GRIK1: variants seen among roughly 807,000 people sequenced by gnomAD.
GRIK1 encodes the protein glutamate receptor ionotropic, kainate 1.
In GRIK1, 69 loss-of-function variants were observed where a neutral mutation model predicts 105.7. The ratio of observed to expected loss-of-function variants is 0.65; its 90% CI spans 0.54 to 0.80. GRIK1 has a LOEUF of 0.80. Ranked by LOEUF, GRIK1 falls within the 30% of genes least tolerant of loss-of-function variation. The pLI is 0.00. For synonymous variants in GRIK1, 438 were observed against 431.3 expected, an observed-to-expected ratio of 1.02 and a Z score of -0.19; for missense variants, 1,109 against 1,167.3, an observed-to-expected ratio of 0.95 and a Z score of 0.73.
At chr21:29,584,467 A>G (rs913154831) in intron 12 of GRIK1, among the ~76,000 whole-genome samples, 1 of 152,218 alleles carries the variant, frequency 6.6e-6, no homozygotes, top group Non-Finnish European at 1.5e-5. Flanking sequence ...AAAAAGTGGA[A>G]ACATTGTCAA....
At chr21:29,795,144 T>A (rs1010685612) in intron 1 of GRIK1, among the ~76,000 whole-genome samples, 2 of 150,752 alleles carry the variant, frequency 1.3e-5, no homozygotes, top group Admixed American at 1.3e-4. Flanking sequence ...CAAGTGATTG[T>A]CCTGCCTCAG....
At chr21:29,862,423 A>G (rs1326746464) in intron 1 of GRIK1, among the ~76,000 whole-genome samples, 1 of 152,226 alleles carries the variant, frequency 6.6e-6, no homozygotes, top group East Asian at 1.9e-4. Context: ...ATTAAATTTA[A>G]AAACTTTCTA....
At chr21:29,541,191 C>A (rs970802707) in intron 16 of GRIK1, among the ~76,000 whole-genome samples, 1 of 152,198 alleles carries the variant, frequency 6.6e-6, no homozygotes. Context: ...TGGTCTTGAT[C>A]TCCTGACCTC....
intron 16 of GRIK1, among the ~76,000 whole-genome samples, chr21:29,545,581 C>A (rs1260393684): frequency 2.6e-5 from 4 of 152,150 alleles, no homozygotes; most frequent in African/African-American, 9.7e-5. Context: ...ATGGCACTAC[C>A]TTTAAGCTAA....
At chr21:29,851,990 C>A (rs1255990202) in intron 1 of GRIK1, among the ~76,000 whole-genome samples, 2 of 152,164 alleles carry the variant, frequency 1.3e-5, no homozygotes, top group Non-Finnish European at 2.9e-5. Flanking sequence ...CATCTTTGAT[C>A]CTTCTCCCTG....
intron 13 of GRIK1, among the ~76,000 whole-genome samples, chr21:29,579,903 T>C (rs1232567399): frequency 6.6e-6 from 1 of 151,602 alleles, no homozygotes; most frequent in Non-Finnish European, 1.5e-5. Flanking sequence ...CACAGTCATA[T>C]ACCTGCACAG....
intron 15 of GRIK1, among the ~76,000 whole-genome samples, chr21:29,560,570 TTCTTTCTC>T (rs1415601509): frequency 7.2e-5 from 9 of 124,834 alleles, no homozygotes; most frequent in African/African-American, 3.6e-4. Context: ...CTTTCTTTCT[TTCTTTCTC>T]TCTTTCTTTC....
At chr21:29,710,430 A>C (rs2064016450) in intron 1 of GRIK1, among the ~76,000 whole-genome samples, 1 of 152,154 alleles carries the variant, frequency 6.6e-6, no homozygotes, top group Non-Finnish European at 1.5e-5. Flanking sequence ...AAAAGTGTAG[A>C]AATTCCATTC....
intron 8 of GRIK1, 109 bp from the exon 9 acceptor site, chr21:29,596,679 C>T (rs764531847): frequency 2.5e-6 from 2 of 811,356 alleles, no homozygotes; most frequent in East Asian, 4.8e-5. Context: ...ACAGTTCCCA[C>T]CCATTGTTTG....
At chr21:29,833,967 A>G (rs1057072698) in intron 1 of GRIK1, among the ~76,000 whole-genome samples, 3 of 152,214 alleles carry the variant, frequency 2.0e-5, no homozygotes, top group African/African-American at 7.2e-5. Flanking sequence ...ATACAATTTT[A>G]TGTATAAAAT....
intron 15 of GRIK1, among the ~76,000 whole-genome samples, chr21:29,561,391 CAT>C (rs369009477): frequency 3.3e-5 from 5 of 152,246 alleles, no homozygotes; most frequent in East Asian, 1.9e-4. Flanking sequence ...TATTCTTAAA[CAT>C]GTGTTGGTAA....
At chr21:29,673,203 T>C (rs2063194272) in intron 3 of GRIK1, 39 bp from the exon 4 acceptor site, 1 of 1,388,234 alleles carries the variant, frequency 7.2e-7, no homozygotes, top group East Asian at 2.3e-5. Flanking sequence ...GAGACTGTTC[T>C]GTCGACAGAG....
chr21:29,779,361 T>TGC (rs932155592), intron 1 of GRIK1, among the ~76,000 whole-genome samples: 6 of 148,754 alleles, frequency 4.0e-5, no homozygotes, highest in Admixed American at 2.0e-4. Flanking sequence ...TGTGTGTGTG[T>TGC]GCACGTGTGT....
At chr21:29,651,938 C>T (rs1156578602) in intron 5 of GRIK1, among the ~76,000 whole-genome samples, 1 of 152,062 alleles carries the variant, frequency 6.6e-6, no homozygotes, top group Non-Finnish European at 1.5e-5. Context: ...CATTAACATG[C>T]TGCCCTAAAA....
intron 1 of GRIK1, among the ~76,000 whole-genome samples, chr21:29,794,950 T>A (rs1206393047): frequency 6.6e-6 from 1 of 151,306 alleles, no homozygotes; most frequent in Non-Finnish European, 1.5e-5. Flanking sequence ...AAATCAGAGA[T>A]GTCCTGGGCA....
chr21:29,715,292 A>G (rs749454510), intron 1 of GRIK1, among the ~76,000 whole-genome samples: 1 of 152,108 alleles, frequency 6.6e-6, no homozygotes, highest in Non-Finnish European at 1.5e-5. Context: ...TTCCCCTAGG[A>G]CTATCATAAT....
chr21:29,694,640 T>A (rs2063659716), intron 1 of GRIK1, among the ~76,000 whole-genome samples: 1 of 152,214 alleles, frequency 6.6e-6, no homozygotes, highest in African/African-American at 2.4e-5. Flanking sequence ...CATTTAGTGG[T>A]ATAAAAGTGT....
intron 1 of GRIK1, among the ~76,000 whole-genome samples, chr21:29,915,592 A>G (rs146164626): frequency 9.2e-5 from 14 of 152,136 alleles, no homozygotes; most frequent in African/African-American, 1.7e-4. Context: ...CTGCTGTCCT[A>G]TGACACTGTT....
chr21:29,931,149 A>G (rs2146358305), intron 1 of GRIK1, among the ~76,000 whole-genome samples: 1 of 152,334 alleles, frequency 6.6e-6, no homozygotes, highest in Non-Finnish European at 1.5e-5. Context: ...ATTATTATTA[A>G]GTAAAGTCAG....
Sources: allele counts gnomAD v4.1 joint callset (sites outside exome capture counted in the v4.1 genomes callset), GRCh38; gene constraint gnomAD v4.1.1; transcripts MANE v1.5; gene names NCBI Gene and HGNC (gene_info 2026-07-23, HGNC 2026-07-21).